Variants in EML1 observed in about 807,000 individuals in gnomAD.
EML1 encodes EMAP like 1, also known as echinoderm microtubule-associated protein-like 1.
EML1 carries 27 observed loss-of-function variants against 110.4 expected under a neutral mutation model. The ratio of observed to expected loss-of-function variants is 0.24; its 90% confidence interval spans 0.18 to 0.34. The LOEUF is 0.34. Ranked by LOEUF, EML1 falls within the 10% of genes least tolerant of loss-of-function variation. The pLI is 1.00. For synonymous variants in EML1, 344 were observed against 385.8 expected, an observed-to-expected ratio of 0.89 and a Z score of 1.27; for missense variants, 741 against 1,030.9, an observed-to-expected ratio of 0.72 and a Z score of 3.85.
intron 1 of EML1, among the ~76,000 whole-genome samples, chr14:99,742,653 A>G (rs1957516): frequency 0.76 from 115,728 of 151,958 alleles, 46,079 homozygotes; most frequent in South Asian, 0.91. Flanking sequence ...TCAGGGCTCC[A>G]TGGGGTGACC....
chr14:99,901,567 CTATT>C (rs907100190), intron 9 of EML1, among the ~76,000 whole-genome samples: 1 of 152,172 alleles, frequency 6.6e-6, no homozygotes, highest in African/African-American at 2.4e-5. Context: ...ATTTTTATGA[CTATT>C]TCTTGATGAT....
chr14:99,746,092 A>G (rs567569741), intron 1 of EML1, among the ~76,000 whole-genome samples: 3 of 152,338 alleles, frequency 2.0e-5, no homozygotes, highest in East Asian at 3.9e-4. Flanking sequence ...TCAGTTCCAC[A>G]TGACGCCCCC....
At chr14:99,786,302 T>C (rs1264435480) in intron 1 of EML1, among the ~76,000 whole-genome samples, 1 of 152,146 alleles carries the variant, frequency 6.6e-6, no homozygotes, top group Non-Finnish European at 1.5e-5. Flanking sequence ...AAATGGAGAA[T>C]GTTACCCTGG....
At chr14:99,765,944 C>T (rs2057364642) in intron 1 of EML1, among the ~76,000 whole-genome samples, 1 of 152,016 alleles carries the variant, frequency 6.6e-6, no homozygotes, top group East Asian at 1.9e-4. Flanking sequence ...AAAATGGTTA[C>T]CACATTTTAT....
intron 1 of EML1, among the ~76,000 whole-genome samples, chr14:99,835,671 G>A (rs2139787629): frequency 6.6e-6 from 1 of 152,290 alleles, no homozygotes; most frequent in African/African-American, 2.4e-5. Context: ...TGTTCATTCA[G>A]TTAGAAATAC....
At chr14:99,881,413 C>A (rs930412569) in intron 4 of EML1, among the ~76,000 whole-genome samples, 2 of 152,188 alleles carry the variant, frequency 1.3e-5, no homozygotes, top group Non-Finnish European at 2.9e-5. Context: ...AAAAACAGTT[C>A]CATCTCAGCA....
chr14:99,751,738 T>C (rs2057177850), intron 1 of EML1, among the ~76,000 whole-genome samples: 1 of 152,088 alleles, frequency 6.6e-6, no homozygotes, highest in South Asian at 2.1e-4. Context: ...TGAGAGTGTC[T>C]GGTCTTTTCA....
Position 99,846,003 on chromosome 14 carries a change from TCACG to T in EML1, c.68-4848_68-4845del, listed in dbSNP as rs1330322756. Among the ~76,000 whole-genome samples the T allele has an allele frequency of 3.6e-5, 5 of 140,696 alleles. No homozygotes were observed. In the East Asian group the frequency reaches 1.1e-3, roughly 30 times the overall value. The allele number at this position is 140,696 out of a possible 152,430, so 92.3% of individuals were successfully genotyped here. A position where few individuals can be genotyped will look rare whatever the true frequency, so the allele number is the denominator to read the frequency against. On this transcript the variant is annotated intron_variant, in intron 1 of 21. Transcript: ENST00000262233. Reference sequence around the variant, plus strand: ...AGGCGGCGGTTGCAGTGAGCTGAGATCACGCCACTGCACTCCAGCCTGGGCAATA... The same window carrying T: ...AGGCGGCGGTTGCAGTGAGCTGAGATCCACTGCACTCCAGCCTGGGCAATA...
chr14:99,904,748 G>A (rs866709501), intron 9 of EML1, among the ~76,000 whole-genome samples: 40 of 152,094 alleles, frequency 2.6e-4, no homozygotes, highest in South Asian at 8.3e-4. Context: ...CCAAGCACAC[G>A]AAACAAGATA....
intron 1 of EML1, among the ~76,000 whole-genome samples, chr14:99,775,554 C>T (rs924367348): frequency 1.1e-4 from 17 of 152,202 alleles, no homozygotes; most frequent in Admixed American, 8.5e-4. Context: ...ACAGATCCCA[C>T]GCCAGCAAGG....
intron 1 of EML1, chr14:99,737,944 C>T: frequency 8.0e-7 from 1 of 1,245,176 alleles, no homozygotes; most frequent in South Asian, 1.3e-5. Flanking sequence ...GGGGCCCCCG[C>T]AGGCTGCAGG....
chr14:99,858,168 A>G (rs1595388742), intron 2 of EML1, among the ~76,000 whole-genome samples: 1 of 149,026 alleles, frequency 6.7e-6, no homozygotes, highest in Admixed American at 6.7e-5. Flanking sequence ...TGCAGTGTCT[A>G]GAGCTCCTCC....
chr14:99,786,436 C>G lies in EML1; in HGVS notation c.-27+12423C>G, dbSNP rs142328333. On this transcript the variant is annotated intron_variant, in intron 1 of 22. Coordinates refer to the EML1 transcript ENST00000327921. The stretch of plus-strand genomic sequence containing the variant: ...CTGCCAACTACGTTCAACCTTGTGT[C>G]AAGCATGATGGGCATTAGGGGTATA... 4.9e-3 allele frequency among the ~76,000 whole-genome samples: 740 copies of G among 152,326 alleles called. 5 individuals carry two copies. The highest frequency in any genetic ancestry group is 0.017 in the African/African-American group (704 of 41,564).
intron 4 of EML1, among the ~76,000 whole-genome samples, chr14:99,884,873 G>C (rs560851491): frequency 6.6e-6 from 1 of 152,300 alleles, no homozygotes; most frequent in African/African-American, 2.4e-5. Flanking sequence ...GAAGGTGACT[G>C]TTTTTGATGA....
chr14:99,859,583 T>C (rs2058965270), intron 2 of EML1, among the ~76,000 whole-genome samples: 1 of 152,154 alleles, frequency 6.6e-6, no homozygotes, highest in Admixed American at 6.5e-5. Flanking sequence ...CCTGGCTAGG[T>C]GGGGACACAG....
rs775867027 is a variant in EML1 at position 99,907,699 on chromosome 14, A to G, written c.1070A>G (p.Asp357Gly). ...DSNDHVLSVWDWQKEEKLADV... is the reference protein window; with the variant it reads ...DSNDHVLSVWGWQKEEKLADV... The stretch of plus-strand genomic sequence containing the variant: ...AACGACCATGTGCTCTCTGTATGGG[A>G]CTGGCAGAAAGAAGAAAAACTAGCA... Residue 357 changes from aspartate to glycine, a missense_variant, in exon 10 of 22, where the codon GAC becomes GGC. Coordinates refer to ENST00000262233, the MANE Select transcript of EML1 (RefSeq NM_004434.3). 40 of 1,614,064 alleles carry G rather than the reference A, an allele frequency of 2.5e-5. No individual in the cohort carries two copies. Among genetic ancestry groups the G allele is most frequent in the Non-Finnish European group, 3.3e-5 (39 of 1,180,038 alleles).
At chr14:99,745,813 C>T (rs115258712) in intron 1 of EML1, among the ~76,000 whole-genome samples, 129 of 152,356 alleles carry the variant, frequency 8.5e-4, no homozygotes, top group African/African-American at 2.7e-3. Context: ...TGCCACTTCT[C>T]GCTCATAGTC....
At chr14:99,929,908 A>G (rs184893549) in intron 17 of EML1, among the ~76,000 whole-genome samples, 1 of 152,238 alleles carries the variant, frequency 6.6e-6, no homozygotes, top group Admixed American at 6.5e-5. Context: ...CAGGAAAGCT[A>G]TGAGGGTTCT....
chr14:99,821,727 CT>C (rs904029758), intron 1 of EML1, among the ~76,000 whole-genome samples: 8 of 152,174 alleles, frequency 5.3e-5, no homozygotes, highest in African/African-American at 2.4e-5. Context: ...GACACCGGCC[CT>C]TTTGACTCTA....
Sources: gnomAD v4.1 joint callset for allele counts (sites outside exome capture counted in the v4.1 genomes callset) on GRCh38, gnomAD v4.1.1 for gene constraint, MANE v1.5 for transcripts, NCBI Gene and HGNC (gene_info 2026-07-23, HGNC 2026-07-21) for gene names.